C6orf89: variants seen among roughly 807,000 people sequenced by gnomAD.
C6orf89 encodes chromosome 6 open reading frame 89, also known as bombesin receptor-activated protein C6orf89.
A neutral mutation model predicts 40.7 loss-of-function variants in C6orf89; 29 were observed. The observed-to-expected ratio is 0.71, with a 90% CI of 0.53 to 0.97. The LOEUF is 0.97. Ranked by LOEUF, C6orf89 falls within the 50% of genes least tolerant of loss-of-function variation. The probability of loss-of-function intolerance (pLI) is 0.00; values close to 1 mark genes in which losing one functional copy is unlikely to be tolerated. For missense variants in C6orf89, 392 were observed against 429.1 expected (o/e 0.91, Z 0.76); for synonymous variants, 165 against 152.2 (o/e 1.08, Z -0.62).
chr6:36,897,129 C>CA (rs34191608), intron 2 of C6orf89, among the ~76,000 whole-genome samples: 913 of 85,138 alleles, frequency 0.011, 10 homozygotes, highest in Middle Eastern at 0.04. Context: ...GACTCTGTCT[C>CA]AAAAAAAAAA....
intron 1 of C6orf89, among the ~76,000 whole-genome samples, chr6:36,886,882 C>T (rs1775011577): frequency 6.6e-6 from 1 of 152,150 alleles, no homozygotes; most frequent in Admixed American, 6.5e-5. Flanking sequence ...CTAATAAATT[C>T]AATTCTGCTA....
At position 36,886,068 on chromosome 6, in the gene C6orf89, C is replaced by T. The variant is rs1188088500; in HGVS notation, c.-120+40C>T. 9.6e-6 allele frequency: 11 copies of T among 1,145,076 alleles called. No homozygotes were observed. The African/African-American group carries it at 1.1e-4, about 12-fold the overall frequency. 70.9% of individuals were successfully genotyped at this position (1,145,076 alleles called of 1,614,324 possible). On this transcript the variant is annotated intron_variant, in intron 1 of 8. Transcript: ENST00000480824. ...CCCGAGGCTGGGTGGGGGGAGGCCGCCCTGTGACAGCCTCGCCGCGCCCGT... is the reference window on the plus strand; with the variant it reads ...CCCGAGGCTGGGTGGGGGGAGGCCGTCCTGTGACAGCCTCGCCGCGCCCGT...
rs1446588215 is a variant in C6orf89, at chr6:36,928,010, C to T, written c.*4569C>T. On this transcript the variant is annotated 3_prime_UTR_variant, in exon 9 of 9. Coordinates refer to ENST00000480824, the MANE Select transcript of C6orf89 (RefSeq NM_001286635.2). ...CAGCCAGCTTGTCTGTTGTCCAGGT[C>T]CCTCAGTGTCTCTGGTTTCCCTGCC... 1 of 152,236 alleles carries T rather than the reference C, an allele frequency of 6.6e-6. No individual in the cohort carries two copies. The highest frequency in any genetic ancestry group is 2.4e-5 in the African/African-American group (1 of 41,440). The allele number at this position is 152,236 out of a possible 1,614,324, so 9.4% of individuals were successfully genotyped here. A position where few individuals can be genotyped will look rare whatever the true frequency, so the allele number is the denominator to read the frequency against.
At chr6:36,907,542 G>A (rs1220814299) in intron 4 of C6orf89, among the ~76,000 whole-genome samples, 2 of 152,298 alleles carry the variant, frequency 1.3e-5, no homozygotes, top group Admixed American at 1.3e-4. Flanking sequence ...TCAAGGCTGT[G>A]TTTTGTCTGA....
At position 36,902,562 on chromosome 6, in the gene C6orf89, C is replaced by A. The variant is rs1057046273; in HGVS notation, c.403+128C>A. ...ATATTGTATCTTTTAATTCAGTCCC[C>A]ACTAAAACTCTATGAGATGGGGTTT... On this transcript the variant is annotated intron_variant, in intron 4 of 8. Coordinates refer to ENST00000480824, the MANE Select transcript of C6orf89 (RefSeq NM_001286635.2). The A allele has an allele frequency of 3.9e-6, 3 of 773,986 alleles. No homozygotes were observed. The African/African-American group carries it at 5.3e-5, about 14-fold the overall frequency. The allele number at this position is 773,986 out of a possible 1,614,324, so 47.9% of individuals were successfully genotyped here.
At chr6:36,917,528 A>G (rs556843673) in intron 7 of C6orf89, among the ~76,000 whole-genome samples, 1 of 152,372 alleles carries the variant, frequency 6.6e-6, no homozygotes, top group South Asian at 2.1e-4. Flanking sequence ...TTCATAAAAA[A>G]ATAAATTTCC....
intron 1 of C6orf89, chr6:36,892,819 A>T (rs1219858159): frequency 6.6e-6 from 1 of 152,258 alleles, no homozygotes; most frequent in African/African-American, 2.4e-5. Context: ...CCCTGTAGCA[A>T]AGCTCACTTT....
At position 36,909,758 on chromosome 6, in the gene C6orf89, G is replaced by A. The variant is rs919966743; in HGVS notation, c.404-4526G>A. On this transcript the variant is annotated intron_variant, in intron 4 of 8. Transcript: ENST00000480824. Reference sequence around the variant, plus strand: ...TGATTGTACCACTGCACTTCAGCCTGGGTGACAGAATGAGAGCCTGTCTCA... The same window carrying A: ...TGATTGTACCACTGCACTTCAGCCTAGGTGACAGAATGAGAGCCTGTCTCA... Among the ~76,000 whole-genome samples the A allele has an allele frequency of 2.7e-5, 4 of 150,086 alleles. No individual in the cohort carries two copies. The East Asian group carries it at 5.8e-4, about 22-fold the overall frequency.
chr6:36,876,741 AG>A lies in C6orf89; in HGVS notation c.-627-2266del, dbSNP rs70975191. ...CTCCATCTCAAAAAAAAAAAAAAAA[AG>A]AAGAAGAAGAAGAAGAAGAAGAAAC... On this transcript the variant is annotated intron_variant, in intron 1 of 9. Transcript: ENST00000359359. Among the ~76,000 whole-genome samples the A allele has an allele frequency of 8.5e-4, 104 of 122,736 alleles. 1 individual carries two copies. The highest frequency in any genetic ancestry group is 1.9e-3 in the East Asian group (9 of 4,810). The allele number at this position is 122,736 out of a possible 152,430, so 80.5% of individuals were successfully genotyped here. A position where few individuals can be genotyped will look rare whatever the true frequency, so the allele number is the denominator to read the frequency against.
At chr6:36,915,538 T>C (rs1017446711) in intron 6 of C6orf89, among the ~76,000 whole-genome samples, 2 of 152,034 alleles carry the variant, frequency 1.3e-5, no homozygotes, top group Non-Finnish European at 1.5e-5. Context: ...GCCCGGGAGT[T>C]GGAGACCAGC....
At chr6:36,876,530 A>C (rs9462233) in intron 1 of C6orf89, among the ~76,000 whole-genome samples, 46,525 of 151,744 alleles carry the variant, frequency 0.31, 7,475 homozygotes, top group African/African-American at 0.37. Flanking sequence ...TTCAAGACCA[A>C]CCTGACCAAC....
At chr6:36,872,778 G>A (rs936449397) in intron 1 of C6orf89, among the ~76,000 whole-genome samples, 4 of 152,032 alleles carry the variant, frequency 2.6e-5, no homozygotes, top group African/African-American at 9.7e-5. Context: ...CAGCTAATTT[G>A]TTGTATTTTT....
At chr6:36,919,401 TA>T (rs1259179272) in intron 7 of C6orf89, among the ~76,000 whole-genome samples, 176 bp from the exon 8 acceptor site, 6 of 152,266 alleles carry the variant, frequency 3.9e-5, no homozygotes, top group Admixed American at 3.3e-4. Flanking sequence ...TAGGAGAAAG[TA>T]GTTTGTTTTT....
At chr6:36,903,995 C>T (rs370592524) in intron 4 of C6orf89, among the ~76,000 whole-genome samples, 1 of 151,930 alleles carries the variant, frequency 6.6e-6, no homozygotes, top group South Asian at 2.1e-4. Flanking sequence ...CCTATTAGAA[C>T]GGTTCAAAGT....
intron 1 of C6orf89, among the ~76,000 whole-genome samples, chr6:36,876,278 A>G (rs955900961): frequency 1.3e-5 from 2 of 152,020 alleles, no homozygotes; most frequent in African/African-American, 2.4e-5. Context: ...TTCTTCCTAA[A>G]TCTTTTACTG....
At chr6:36,920,914 C>T (rs1337229660) in intron 8 of C6orf89, among the ~76,000 whole-genome samples, 2 of 152,008 alleles carry the variant, frequency 1.3e-5, no homozygotes, top group East Asian at 3.9e-4. Context: ...CCTTAGTTAT[C>T]TGAATTCCAG....
upstream of C6orf89, among the ~76,000 whole-genome samples, chr6:36,882,096 T>C (rs1774829150): frequency 6.6e-6 from 1 of 152,162 alleles, no homozygotes; most frequent in African/African-American, 2.4e-5. Context: ...AGATAGTCAG[T>C]TGGCCTCATG....
At chr6:36,882,371 T>G (rs1374265233), upstream of C6orf89, among the ~76,000 whole-genome samples, 1 of 152,242 alleles carries the variant, frequency 6.6e-6, no homozygotes, top group Non-Finnish European at 1.5e-5. Context: ...TAAGTCAAAT[T>G]ACCTATGATA....
chr6:36,909,470 T>A (rs1309991549), intron 4 of C6orf89, among the ~76,000 whole-genome samples: 1 of 152,186 alleles, frequency 6.6e-6, no homozygotes, highest in East Asian at 1.9e-4. Context: ...TGCATTTCAT[T>A]GATTATTAGT....
Sources: gnomAD v4.1 joint callset for allele counts (sites outside exome capture counted in the v4.1 genomes callset) on GRCh38, gnomAD v4.1.1 for gene constraint, MANE v1.5 for transcripts, NCBI Gene and HGNC (gene_info 2026-07-23, HGNC 2026-07-21) for gene names.